GNAQ: variants seen among roughly 807,000 people sequenced by gnomAD.
GNAQ encodes the protein guanine nucleotide-binding protein G(q) subunit alpha.
Under a neutral mutation model 43.9 loss-of-function variants are expected in GNAQ, and 8 were observed. The ratio of observed to expected loss-of-function variants is 0.18; its 90% CI spans 0.11 to 0.33. GNAQ has a LOEUF of 0.33. Among genes scored for constraint, GNAQ ranks in the 10% least tolerant of loss-of-function variants. The pLI is 1.00. For synonymous variants in GNAQ, 155 were observed against 170.7 expected (o/e 0.91, Z 0.71); for missense variants, 158 against 450.8 (o/e 0.35, Z 5.88).
At chr9:77,875,894 G>C (rs1828117228) in intron 2 of GNAQ, among the ~76,000 whole-genome samples, 1 of 152,106 alleles carries the variant, frequency 6.6e-6, no homozygotes, top group Non-Finnish European at 1.5e-5. Context: ...GCTGAAAAGA[G>C]GGAGAAAATA....
chr9:78,025,125 A>T (rs1252424957), intron 1 of GNAQ, among the ~76,000 whole-genome samples: 1 of 152,190 alleles, frequency 6.6e-6, no homozygotes, highest in Non-Finnish European at 1.5e-5. Context: ...GTGTTAACTC[A>T]TTTCATCAGT....
chr9:77,781,480 T>C (rs920450455), intron 5 of GNAQ, among the ~76,000 whole-genome samples: 2 of 152,042 alleles, frequency 1.3e-5, no homozygotes, highest in African/African-American at 4.8e-5. Context: ...TTTAAGAAGA[T>C]AGAAGCAGAA....
intron 1 of GNAQ, among the ~76,000 whole-genome samples, chr9:77,958,347 A>G (rs1026457600): frequency 1.3e-5 from 2 of 152,164 alleles, no homozygotes; most frequent in Non-Finnish European, 2.9e-5. Context: ...AATAAAGATT[A>G]GTTTTAACAA....
intron 5 of GNAQ, among the ~76,000 whole-genome samples, chr9:77,764,111 A>C (rs1162438622): frequency 6.6e-6 from 1 of 152,158 alleles, no homozygotes; most frequent in African/African-American, 2.4e-5. Context: ...ATGATCAAAA[A>C]CCAAATACAA....
chr9:77,873,997 C>T lies in GNAQ; in HGVS notation c.321+48164G>A, dbSNP rs577809263. Among the ~76,000 whole-genome samples the T allele has an allele frequency of 1.3e-4, 19 of 151,204 alleles. No homozygotes were observed. In the East Asian group the frequency reaches 2.7e-3, roughly 22 times the overall value. ...GTGCATGCCTGTAATCCCAGCTACC[C>T]GGGAGGCTGAGGTAGGAGAATCACT... On this transcript the variant is annotated intron_variant, in intron 2 of 6. Coordinates refer to ENST00000286548, the MANE Select transcript of GNAQ (RefSeq NM_002072.5).
At chr9:77,750,400 G>A (rs1290835764) in intron 5 of GNAQ, among the ~76,000 whole-genome samples, 1 of 151,906 alleles carries the variant, frequency 6.6e-6, no homozygotes, top group Non-Finnish European at 1.5e-5. Context: ...ATACAGATGG[G>A]GCCTTAATAA....
intron 5 of GNAQ, among the ~76,000 whole-genome samples, chr9:77,759,752 G>A (rs1825959282): frequency 6.6e-6 from 1 of 152,150 alleles, no homozygotes; most frequent in Non-Finnish European, 1.5e-5. Flanking sequence ...AGGTGTTCTA[G>A]CCAGTGATGT....
intron 1 of GNAQ, among the ~76,000 whole-genome samples, chr9:78,025,697 C>G (rs1564182305): frequency 6.6e-6 from 1 of 152,152 alleles, no homozygotes; most frequent in Non-Finnish European, 1.5e-5. Flanking sequence ...AAAATGGCTT[C>G]TGTCTCTTCC....
At chr9:77,879,541 C>T (rs187348724) in intron 2 of GNAQ, among the ~76,000 whole-genome samples, 100 of 152,264 alleles carry the variant, frequency 6.6e-4, no homozygotes, top group African/African-American at 2.3e-3. Context: ...TGAGCCACCA[C>T]GCCCAGCCGA....
chr9:77,872,359 C>G (rs1206067346), intron 2 of GNAQ, among the ~76,000 whole-genome samples: 1 of 152,160 alleles, frequency 6.6e-6, no homozygotes, highest in Admixed American at 6.6e-5. Context: ...ATAATCATTT[C>G]TTTTGTTTCT....
intron 1 of GNAQ, among the ~76,000 whole-genome samples, chr9:77,928,891 G>A (rs1045897781): frequency 1.3e-5 from 2 of 152,142 alleles, no homozygotes; most frequent in East Asian, 1.9e-4. Flanking sequence ...GTAGTGAGGC[G>A]CCTATAATCT....
chr9:77,739,579 CAG>C (rs1825622927), intron 5 of GNAQ, among the ~76,000 whole-genome samples: 1 of 152,084 alleles, frequency 6.6e-6, no homozygotes, highest in South Asian at 2.1e-4. Context: ...ACTTAGAAAA[CAG>C]TTCTACTTTT....
At position 77,756,594 on chromosome 9, in the gene GNAQ, C is replaced by CT. The variant is rs1825907025; in HGVS notation, c.736-27928dup. ...TGCTGGCACAATGACTTGAGAGAAC[C>CT]TGGGTTCCTGACTGGCCATGAGGGG... is the stretch of plus-strand genomic sequence containing the variant. On this transcript the variant is annotated intron_variant, in intron 5 of 6. Transcript: ENST00000286548. Among the ~76,000 whole-genome samples, 4 of 152,298 alleles carry CT rather than the reference C, an allele frequency of 2.6e-5. No homozygotes were observed. The East Asian group carries it at 7.7e-4, about 29-fold the overall frequency.
At chr9:77,871,112 T>C (rs1008893727) in intron 2 of GNAQ, among the ~76,000 whole-genome samples, 3 of 152,226 alleles carry the variant, frequency 2.0e-5, no homozygotes, top group Non-Finnish European at 4.4e-5. Context: ...GCAAATTATA[T>C]TTCAAATAAA....
In GNAQ at chr9:77,882,176, G is replaced by A. The variant is rs1237221956; in HGVS notation, c.321+39985C>T. 5.3e-5 allele frequency among the ~76,000 whole-genome samples: 8 copies of A among 152,166 alleles called. No individual in the cohort carries two copies. The East Asian group carries it at 1.5e-3, about 29-fold the overall frequency. On this transcript the variant is annotated intron_variant, in intron 2 of 6. Transcript: ENST00000286548. ...AACACAAACAAATAAAAAAACAGCA[G>A]TATGAGTTTATGGCCATAGCTTTAT...
chr9:77,861,071 T>TA (rs1827842350), intron 2 of GNAQ, among the ~76,000 whole-genome samples: 1 of 152,184 alleles, frequency 6.6e-6, no homozygotes, highest in South Asian at 2.1e-4. Context: ...TTAACGGACT[T>TA]ACAGTTCCAT....
chr9:77,920,489 G>A (rs937508530), intron 2 of GNAQ, among the ~76,000 whole-genome samples: 11 of 151,992 alleles, frequency 7.2e-5, no homozygotes, highest in African/African-American at 2.2e-4. Context: ...TGGAAAACTC[G>A]CTGGTATTAA....
intron 5 of GNAQ, among the ~76,000 whole-genome samples, chr9:77,737,602 T>C (rs993228576): frequency 2.6e-5 from 4 of 152,214 alleles, no homozygotes; most frequent in Non-Finnish European, 4.4e-5. Context: ...TCCCAACGTA[T>C]TCCAACTCCT....
At chr9:77,749,920 TC>T (rs1825785877) in intron 5 of GNAQ, among the ~76,000 whole-genome samples, 2 of 152,290 alleles carry the variant, frequency 1.3e-5, no homozygotes, top group South Asian at 4.1e-4. Context: ...TATATTTTTT[TC>T]ATACATTGTA....
Sources: allele counts gnomAD v4.1 joint callset (sites outside exome capture counted in the v4.1 genomes callset), GRCh38; gene constraint gnomAD v4.1.1; transcripts MANE v1.5; gene names NCBI Gene and HGNC (gene_info 2026-07-23, HGNC 2026-07-21).